NCALD: variants seen among roughly 807,000 people sequenced by gnomAD.
NCALD encodes neurocalcin-delta.
A neutral mutation model predicts 18.6 loss-of-function variants in NCALD; 10 were observed. The observed-to-expected ratio is 0.54, with a 90% CI of 0.33 to 0.91. The LOEUF (loss-of-function observed/expected upper bound fraction) is 0.91. Ranked by LOEUF, NCALD falls within the 40% of genes least tolerant of loss-of-function variation. The probability of loss-of-function intolerance (pLI) is 0.03; values close to 1 mark genes in which losing one functional copy is unlikely to be tolerated. For synonymous variants in NCALD, 88 were observed against 87.4 expected (o/e 1.01, Z -0.04); for missense variants, 184 against 247.6 (o/e 0.74, Z 1.72).
chr8:101,692,735 T>C, intron 3 of NCALD, 56 bp downstream of exon 3: 1 of 1,524,442 alleles, frequency 6.6e-7, no homozygotes, highest in Non-Finnish European at 9.1e-7. Flanking sequence ...GTCTGGACTC[T>C]CCAGTCCTTC....
At chr8:101,810,575 A>C (rs766385422) in intron 4 of NCALD, among the ~76,000 whole-genome samples, 21 of 152,180 alleles carry the variant, frequency 1.4e-4, no homozygotes, top group Non-Finnish European at 2.6e-4. Context: ...TTCATAGCCC[A>C]AATTTCCATT....
chr8:101,770,256 G>A (rs985409775), intron 1 of NCALD, among the ~76,000 whole-genome samples: 2 of 152,078 alleles, frequency 1.3e-5, no homozygotes, highest in Non-Finnish European at 2.9e-5. Flanking sequence ...AAGAGCTAAG[G>A]AACATTAGTT....
chr8:101,864,211 G>C (rs950857542), intron 4 of NCALD, among the ~76,000 whole-genome samples: 1 of 152,168 alleles, frequency 6.6e-6, no homozygotes, highest in African/African-American at 2.4e-5. Flanking sequence ...AAAACTTTCT[G>C]CTTCAAGTCA....
chr8:101,743,048 T>C (rs186450400), intron 1 of NCALD, among the ~76,000 whole-genome samples: 1 of 152,200 alleles, frequency 6.6e-6, no homozygotes, highest in Admixed American at 6.5e-5. Context: ...TATATTTACA[T>C]ATGTATTAAA....
rs1814782758 is a variant in NCALD at position 101,692,657 on chromosome 8, C to T, written c.484+134G>A. The T allele has an allele frequency of 9.4e-6, 13 of 1,390,144 alleles. 1 individual carries two copies. In the South Asian group the frequency reaches 1.9e-4, roughly 20 times the overall value. The allele number at this position is 1,390,144 out of a possible 1,614,324, so 86.1% of individuals were successfully genotyped here. Reference sequence around the variant, plus strand: ...TCCTGTGGCCACCTGGTCCTCTCCCCTCCTACCCACCCAGGAGGCTTGGAG... The same window carrying T: ...TCCTGTGGCCACCTGGTCCTCTCCCTTCCTACCCACCCAGGAGGCTTGGAG... On this transcript the variant is annotated intron_variant, in intron 3 of 3. Transcript: ENST00000220931.
intron 1 of NCALD, among the ~76,000 whole-genome samples, chr8:102,111,631 C>T (rs1336177303): frequency 2.0e-5 from 3 of 152,120 alleles, no homozygotes; most frequent in South Asian, 2.1e-4. Context: ...AATAACAACA[C>T]GTTAAAGTCC....
At chr8:101,748,022 A>G (rs1413705355) in intron 1 of NCALD, among the ~76,000 whole-genome samples, 1 of 152,126 alleles carries the variant, frequency 6.6e-6, no homozygotes, top group African/African-American at 2.4e-5. Context: ...CCAGTGGGAA[A>G]AGTGATTATT....
chr8:101,841,485 C>T (rs944072152), intron 4 of NCALD, among the ~76,000 whole-genome samples: 1 of 152,196 alleles, frequency 6.6e-6, no homozygotes, highest in African/African-American at 2.4e-5. Context: ...TCTCTGGCCC[C>T]TACCCATTAG....
intron 4 of NCALD, among the ~76,000 whole-genome samples, chr8:101,851,690 C>T (rs1423897334): frequency 1.3e-5 from 2 of 152,116 alleles, no homozygotes; most frequent in South Asian, 2.1e-4. Context: ...AGCAGCCACT[C>T]GAGACCTCCT....
At chr8:101,949,503 G>C (rs942847793) in intron 2 of NCALD, among the ~76,000 whole-genome samples, 1 of 151,960 alleles carries the variant, frequency 6.6e-6, no homozygotes, top group Non-Finnish European at 1.5e-5. Context: ...AGAGGCTGTG[G>C]GTCAAACGAC....
intron 2 of NCALD, among the ~76,000 whole-genome samples, chr8:101,956,730 C>A (rs2046371121): frequency 6.6e-6 from 1 of 151,992 alleles, no homozygotes; most frequent in Admixed American, 6.6e-5. Flanking sequence ...AGGTAAAAGT[C>A]CCCTACATAA....
intron 4 of NCALD, among the ~76,000 whole-genome samples, chr8:101,838,654 T>C (rs1447543278): frequency 6.6e-6 from 1 of 152,258 alleles, no homozygotes; most frequent in Admixed American, 6.5e-5. Context: ...TAAACCTGCA[T>C]TCAATCATTG....
chr8:101,932,950 ATTGT>A (rs1273155279), intron 2 of NCALD, among the ~76,000 whole-genome samples: 1 of 152,182 alleles, frequency 6.6e-6, no homozygotes, highest in African/African-American at 2.4e-5. Context: ...TCCCCTTCAC[ATTGT>A]TTGTTTTCTA....
At chr8:101,720,615 T>C (rs527851050) in intron 1 of NCALD, among the ~76,000 whole-genome samples, 1 of 152,306 alleles carries the variant, frequency 6.6e-6, no homozygotes, top group African/African-American at 2.4e-5. Flanking sequence ...AAAATAAAGG[T>C]AACTTTTACT....
chr8:101,847,927 G>A (rs889288023), intron 4 of NCALD, among the ~76,000 whole-genome samples: 8 of 152,158 alleles, frequency 5.3e-5, no homozygotes, highest in African/African-American at 1.9e-4. Context: ...GTAAAAAACA[G>A]TGGCCCTTGA....
intron 2 of NCALD, among the ~76,000 whole-genome samples, chr8:101,999,125 T>C (rs1036051015): frequency 6.8e-6 from 1 of 146,372 alleles, no homozygotes; most frequent in Admixed American, 6.8e-5. Context: ...TAAAGACTAG[T>C]GATTCCACAT....
At chr8:101,706,208 CAA>C (rs779372790) in intron 2 of NCALD, among the ~76,000 whole-genome samples, 79 of 151,954 alleles carry the variant, frequency 5.2e-4, no homozygotes, top group Non-Finnish European at 8.2e-4. Flanking sequence ...TAAAAAATAC[CAA>C]AGAGGCAAAT....
intron 2 of NCALD, among the ~76,000 whole-genome samples, chr8:101,990,588 G>C (rs1342655606): frequency 6.6e-6 from 1 of 152,160 alleles, no homozygotes; most frequent in African/African-American, 2.4e-5. Context: ...CATGACATCT[G>C]ATGGTTTTAT....
At chr8:101,917,834 T>A (rs61185137) in intron 2 of NCALD, among the ~76,000 whole-genome samples, 7,055 of 151,978 alleles carry the variant, frequency 0.046, 260 homozygotes, top group African/African-American at 0.1. Flanking sequence ...AATAATTTTT[T>A]AAAAACCCTA....
Sources: gnomAD v4.1 joint callset for allele counts (sites outside exome capture counted in the v4.1 genomes callset) on GRCh38, gnomAD v4.1.1 for gene constraint, MANE v1.5 for transcripts, NCBI Gene and HGNC (gene_info 2026-07-23, HGNC 2026-07-21) for gene names.